The following SEMA4D variants were observed in gnomAD, a reference collection of about 807,000 sequenced individuals.
SEMA4D encodes the protein semaphorin-4D.
SEMA4D carries 22 observed loss-of-function variants against 74.8 expected under a neutral mutation model. The observed-to-expected ratio is 0.29, with a 90% CI of 0.21 to 0.42. The LOEUF is 0.42. Ranked by LOEUF, SEMA4D falls within the 10% of genes least tolerant of loss-of-function variation. The pLI is 1.00. For synonymous variants in SEMA4D, 445 were observed against 463.7 expected (o/e 0.96, Z 0.52); for missense variants, 937 against 1,118.4 (o/e 0.84, Z 2.31).
rs772604979 is a variant in SEMA4D, at chr9:89,379,050, A to C, written c.2243T>G (p.Leu748Arg). ...ATAGCAGTTGTAGAAAAAGAGGCAG[A>C]GGAAGAGAACAAAGAAGAAGAGGAA... is the stretch of plus-strand genomic sequence containing the variant. ...SLFLFFFVLF[L>R]CLFFYNCYKG... Residue 748 changes from leucine to arginine, a missense_variant, in exon 16 of 16, where the codon CTC (leucine) becomes CGC (arginine). Leu to Arg is a moderately radical substitution (Grantham distance 102). Coordinates refer to ENST00000422704, the MANE Select transcript of SEMA4D (RefSeq NM_001371194.2). The C allele has an allele frequency of 6.2e-7, 1 of 1,612,860 alleles. No homozygotes were observed. Among genetic ancestry groups the C allele is most frequent in the South Asian group, 1.1e-5 (1 of 90,982 alleles).
chr9:89,434,019 G>A (rs529281070), intron 2 of SEMA4D, among the ~76,000 whole-genome samples: 1 of 152,324 alleles, frequency 6.6e-6, no homozygotes, highest in South Asian at 2.1e-4. Flanking sequence ...TGGCATGCAC[G>A]GACTGCCCCG....
intron 2 of SEMA4D, among the ~76,000 whole-genome samples, chr9:89,432,006 T>C (rs908158624): frequency 2.2e-4 from 33 of 151,364 alleles, no homozygotes; most frequent in African/African-American, 7.8e-4. Context: ...TTCCCTTCTG[T>C]GCTGCTCTGC....
chr9:89,471,862 G>A (rs1308198439), intron 1 of SEMA4D, among the ~76,000 whole-genome samples: 1 of 136,390 alleles, frequency 7.3e-6, no homozygotes, highest in Non-Finnish European at 1.6e-5. Context: ...GCCAACTCAG[G>A]TGCATATAGG....
chr9:89,367,274 G>A (rs928938721), intron 16 of SEMA4D: 2 of 152,390 alleles, frequency 1.3e-5, no homozygotes, highest in Admixed American at 6.5e-5. Flanking sequence ...TATGTCCCAC[G>A]GAGGACTGCT....
At chr9:89,438,964 C>CTT (rs57394947) in intron 2 of SEMA4D, among the ~76,000 whole-genome samples, 47 of 38,208 alleles carry the variant, frequency 1.2e-3, no homozygotes, top group East Asian at 5.6e-3. Context: ...CGCACCGGGC[C>CTT]TTTTTTTTTT....
intron 2 of SEMA4D, among the ~76,000 whole-genome samples, chr9:89,429,245 C>G (rs575505141): frequency 6.6e-6 from 1 of 152,310 alleles, no homozygotes; most frequent in South Asian, 2.1e-4. Context: ...GCGGCCACCT[C>G]GGCTGACTCT....
intron 16 of SEMA4D, chr9:89,367,109 A>G (rs1189719059): frequency 2.0e-5 from 3 of 152,630 alleles, no homozygotes; most frequent in Non-Finnish European, 4.4e-5. Context: ...TAAAGATGTT[A>G]AAGAAGTACT....
intron 2 of SEMA4D, among the ~76,000 whole-genome samples, chr9:89,422,120 G>C (rs904002778): frequency 6.6e-6 from 1 of 152,120 alleles, no homozygotes; most frequent in Non-Finnish European, 1.5e-5. Flanking sequence ...TATAACGCTG[G>C]TTAAAGTAAG....
chr9:89,443,454 G>A (rs563307988), intron 2 of SEMA4D, among the ~76,000 whole-genome samples: 1 of 152,348 alleles, frequency 6.6e-6, no homozygotes, highest in South Asian at 2.1e-4. Flanking sequence ...CTGCAGAGTG[G>A]AGCCTTCAGC....
intron 1 of SEMA4D, among the ~76,000 whole-genome samples, chr9:89,491,250 C>T (rs537629843): frequency 6.6e-6 from 1 of 152,158 alleles, no homozygotes; most frequent in Non-Finnish European, 1.5e-5. Flanking sequence ...GGCAGCAGTT[C>T]AAAAGCCTCT....
chr9:89,472,332 A>G, intron 1 of SEMA4D: 1 of 435,740 alleles, frequency 2.3e-6, no homozygotes, highest in Non-Finnish European at 4.5e-6. Flanking sequence ...GAGATGGCAA[A>G]GTTAGCTGGG....
At chr9:89,414,599 G>A (rs945714711) in intron 2 of SEMA4D, among the ~76,000 whole-genome samples, 9 of 152,202 alleles carry the variant, frequency 5.9e-5, no homozygotes, top group Middle Eastern at 3.2e-3. Context: ...TCACTGCCTT[G>A]CAAACTGAGG....
At chr9:89,364,156 C>T (rs1289337691) in intron 16 of SEMA4D, 3 of 1,043,068 alleles carry the variant, frequency 2.9e-6, no homozygotes, top group Non-Finnish European at 4.1e-6. Flanking sequence ...CTGTGGACTT[C>T]CTGCTCTTTG....
intron 2 of SEMA4D, among the ~76,000 whole-genome samples, chr9:89,452,320 A>G (rs1854782448): frequency 6.6e-6 from 1 of 151,594 alleles, no homozygotes; most frequent in Non-Finnish European, 1.5e-5. Context: ...CTGGGACTAT[A>G]GGCGCCCACC....
intron 2 of SEMA4D, among the ~76,000 whole-genome samples, chr9:89,419,478 G>A (rs58192351): frequency 2.0e-5 from 3 of 152,270 alleles, no homozygotes; most frequent in East Asian, 3.9e-4. Context: ...TTGTTTCCAC[G>A]AGGCCTTCCT....
intron 9 of SEMA4D, 121 bp from the exon 10 acceptor site, chr9:89,389,168 G>T (rs1839246461): frequency 1.0e-6 from 1 of 993,388 alleles, no homozygotes; most frequent in Non-Finnish European, 1.5e-6. Flanking sequence ...CTGAAACAAA[G>T]CTCGGGCAAC....
chr9:89,470,714 C>CA (rs147296880), intron 1 of SEMA4D, among the ~76,000 whole-genome samples: 415 of 143,934 alleles, frequency 2.9e-3, no homozygotes, highest in East Asian at 9.0e-3. Context: ...TACCGAGGGA[C>CA]AAAAAAAAAA....
intron 2 of SEMA4D, among the ~76,000 whole-genome samples, chr9:89,412,566 C>A (rs1040743182): frequency 6.6e-6 from 1 of 152,190 alleles, no homozygotes; most frequent in African/African-American, 2.4e-5. Flanking sequence ...GCACGGGCAC[C>A]CCCACCTGGC....
rs764171228 is a variant in SEMA4D at position 89,391,300 on chromosome 9, G to C, written c.738C>G (p.Phe246Leu). 3 of 1,614,236 alleles carry C rather than the reference G, an allele frequency of 1.9e-6. No homozygotes were observed. Among genetic ancestry groups the C allele is most frequent in the Admixed American group, 3.3e-5 (2 of 60,026 alleles). ...TEVSVEYEFV[F>L]RVLIPRIARV... ...TTGCTATCCGTGGGATCAGCACCCTGAACACAAACTCATACTCCACAGACA... is the reference window on the plus strand; with the variant it reads ...TTGCTATCCGTGGGATCAGCACCCTCAACACAAACTCATACTCCACAGACA... The change falls in exon 9 of 16, where the codon TTC becomes TTG. Residue 246 changes from phenylalanine (F) to leucine (L), a missense_variant. Physicochemically the swap from Phe to Leu is conservative, Grantham distance 22 (BLOSUM62 0). Transcript: ENST00000422704.
Sources: allele counts gnomAD v4.1 joint callset (sites outside exome capture counted in the v4.1 genomes callset), GRCh38; gene constraint gnomAD v4.1.1; transcripts MANE v1.5; gene names NCBI Gene and HGNC (gene_info 2026-07-23, HGNC 2026-07-21).